Variants in SAMSN1 observed in about 807,000 individuals in gnomAD.
SAMSN1 encodes the protein SAM domain, SH3 domain and nuclear localization signals 1, also known as SAM domain-containing protein SAMSN-1.
SAMSN1 carries 31 observed loss-of-function variants against 42.0 expected under a neutral mutation model. The ratio of observed to expected loss-of-function variants is 0.74; its 90% CI spans 0.55 to 1.00. SAMSN1 has a LOEUF of 1.00. SAMSN1 is among the 50% of genes least tolerant of loss of function. The probability of loss-of-function intolerance (pLI) is 0.00; values close to 1 mark genes in which losing one functional copy is unlikely to be tolerated. For missense variants in SAMSN1, 464 were observed against 439.4 expected (o/e 1.06, Z -0.50); for synonymous variants, 178 against 151.9 (o/e 1.17, Z -1.26).
At chr21:14,569,129 TA>T (rs11361968) in intron 2 of SAMSN1, among the ~76,000 whole-genome samples, 94,781 of 150,540 alleles carry the variant, frequency 0.63, 31,708 homozygotes, top group African/African-American at 0.86. Flanking sequence ...CATTTCTATT[TA>T]AAAAAAAAAA....
chr21:14,648,473 T>G lies in SAMSN1; in HGVS notation c.25-5340A>C, dbSNP rs1249705467. On this transcript the variant is annotated intron_variant, in intron 1 of 15. Coordinates refer to the SAMSN1 transcript ENST00000647101. ...ACAGCAAAAGAAACTACCATCAGAG[T>G]AAACAGGCAACCTAAAAAATGGGAG... 4.6e-5 allele frequency among the ~76,000 whole-genome samples: 7 copies of G among 152,144 alleles called. No individual in the cohort carries two copies. In the South Asian group the frequency reaches 1.5e-3, roughly 32 times the overall value.
chr21:14,609,332 C>T, intron 5 of SAMSN1: 1 of 594,412 alleles, frequency 1.7e-6, no homozygotes, highest in South Asian at 2.1e-5. Context: ...TATAATAATG[C>T]ATATTCTATT....
rs573545263 is a variant in SAMSN1 at position 14,624,457 on chromosome 21, C to T, written c.157-8441G>A. On this transcript the variant is annotated intron_variant, in intron 2 of 15. Transcript: ENST00000647101. Reference sequence around the variant, plus strand: ...TGATAAAGGGGATATCATCACCAATCCCACAGTAATACAAACTACCATCAG... The same window carrying T: ...TGATAAAGGGGATATCATCACCAATTCCACAGTAATACAAACTACCATCAG... Among the ~76,000 whole-genome samples, 7 of 152,208 alleles carry T rather than the reference C, an allele frequency of 4.6e-5. No homozygotes were observed. In the South Asian group the frequency reaches 1.5e-3, roughly 32 times the overall value.
intron 1 of SAMSN1, among the ~76,000 whole-genome samples, chr21:14,528,897 G>A (rs1222563676): frequency 2.0e-5 from 3 of 151,924 alleles, no homozygotes; most frequent in Non-Finnish European, 2.9e-5. Context: ...CTATTTATCC[G>A]TAATTATTTC....
chr21:14,596,319 C>T (rs2123286248), intron 6 of SAMSN1, among the ~76,000 whole-genome samples: 1 of 152,012 alleles, frequency 6.6e-6, no homozygotes, highest in South Asian at 2.1e-4. Flanking sequence ...AAATATAGCC[C>T]TATATTCTTT....
intron 1 of SAMSN1, among the ~76,000 whole-genome samples, chr21:14,652,378 C>T (rs1046533501): frequency 2.6e-5 from 4 of 151,838 alleles, no homozygotes; most frequent in South Asian, 2.1e-4. Flanking sequence ...AACTCAGTAA[C>T]AAATCAGCAC....
chr21:14,624,864 T>C (rs1239156640), intron 2 of SAMSN1, among the ~76,000 whole-genome samples: 1 of 152,148 alleles, frequency 6.6e-6, no homozygotes, highest in African/African-American at 2.4e-5. Context: ...TGAACATCGA[T>C]GTAAAAATCC....
At chr21:14,563,454 G>A (rs886594051) in intron 2 of SAMSN1, among the ~76,000 whole-genome samples, 5 of 152,122 alleles carry the variant, frequency 3.3e-5, no homozygotes, top group African/African-American at 1.2e-4. Flanking sequence ...ACACAATTTA[G>A]TATTCAGTTG....
intron 1 of SAMSN1, among the ~76,000 whole-genome samples, chr21:14,658,484 A>G (rs1249775681): frequency 1.3e-5 from 2 of 151,980 alleles, no homozygotes; most frequent in African/African-American, 4.8e-5. Context: ...TGTTCCCAGA[A>G]CATTATACTT....
chr21:14,602,867 G>T (rs1339181349), intron 5 of SAMSN1, among the ~76,000 whole-genome samples: 4 of 152,108 alleles, frequency 2.6e-5, no homozygotes, highest in African/African-American at 9.7e-5. Flanking sequence ...TTCTGCAGTG[G>T]AAGCAGGGAC....
At chr21:14,495,153 C>T (rs1029327028) in intron 7 of SAMSN1, among the ~76,000 whole-genome samples, 14 of 152,274 alleles carry the variant, frequency 9.2e-5, no homozygotes, top group Middle Eastern at 3.4e-3. Context: ...TAACGTTTAA[C>T]GTGACATGCA....
intron 3 of SAMSN1, among the ~76,000 whole-genome samples, chr21:14,615,540 A>C (rs1247032922): frequency 6.6e-6 from 1 of 152,148 alleles, no homozygotes; most frequent in Non-Finnish European, 1.5e-5. Flanking sequence ...ACCTTATGCA[A>C]CATGTGTATG....
intron 4 of SAMSN1, among the ~76,000 whole-genome samples, chr21:14,511,817 T>C (rs1025359701): frequency 6.6e-6 from 1 of 152,200 alleles, no homozygotes; most frequent in African/African-American, 2.4e-5. Flanking sequence ...AAAATCCTTG[T>C]TGGTTACTTT....
chr21:14,643,041 G>T, exon 2 of SAMSN1: 1 of 717,286 alleles, frequency 1.4e-6, no homozygotes, highest in Non-Finnish European at 2.6e-6. Context: ...TCTCTCCAAA[G>T]GGTGGGATAG....
chr21:14,622,780 A>T (rs1983049133), intron 2 of SAMSN1, among the ~76,000 whole-genome samples: 1 of 152,160 alleles, frequency 6.6e-6, no homozygotes, highest in African/African-American at 2.4e-5. Context: ...TGCCACAAAG[A>T]TACTCCTTGA....
intron 2 of SAMSN1, among the ~76,000 whole-genome samples, chr21:14,637,754 C>A (rs1354546600): frequency 6.6e-6 from 1 of 152,026 alleles, no homozygotes. Context: ...GTTTACAGGA[C>A]CCAAGTATTG....
chr21:14,623,572 C>A (rs991459543), intron 2 of SAMSN1, among the ~76,000 whole-genome samples: 1 of 152,196 alleles, frequency 6.6e-6, no homozygotes, highest in Non-Finnish European at 1.5e-5. Flanking sequence ...ACAAGAAGAA[C>A]TAACTATCCT....
intron 2 of SAMSN1, among the ~76,000 whole-genome samples, chr21:14,561,096 G>A (rs888190068): frequency 3.3e-5 from 5 of 152,096 alleles, no homozygotes; most frequent in Admixed American, 6.6e-5. Context: ...AATTTCTCCT[G>A]TAGATAACAT....
At chr21:14,652,006 A>G (rs1983845068) in intron 1 of SAMSN1, among the ~76,000 whole-genome samples, 1 of 152,104 alleles carries the variant, frequency 6.6e-6, no homozygotes, top group Admixed American at 6.6e-5. Flanking sequence ...TGAGGAGGAC[A>G]TAAAAAATTT....
Sources: gnomAD v4.1 joint callset for allele counts (sites outside exome capture counted in the v4.1 genomes callset) on GRCh38, gnomAD v4.1.1 for gene constraint, MANE v1.5 for transcripts, NCBI Gene and HGNC (gene_info 2026-07-23, HGNC 2026-07-21) for gene names.